Variants in RADIL observed in about 807,000 individuals in gnomAD.
RADIL encodes Rap associating with DIL domain.
RADIL carries 99 observed loss-of-function variants against 97.6 expected under a neutral mutation model. That is an observed-to-expected ratio of 1.01 (90% CI 0.86 to 1.20). The LOEUF (loss-of-function observed/expected upper bound fraction) is 1.20, where lower values mean the gene tolerates loss of function less well. Among genes scored for constraint, RADIL ranks in the 50% most tolerant of loss-of-function variants. The pLI, the probability that RADIL is intolerant of heterozygous loss-of-function variation, is 0.00. For missense variants in RADIL, 1,765 were observed against 1,498.9 expected (o/e 1.18, Z -2.93); for synonymous variants, 803 against 691.8 (o/e 1.16, Z -2.52).
In RADIL at chr7:4,822,038, G is replaced by A. The variant is rs528093259; in HGVS notation, c.1615+356C>T. ...CTACCGCCCCTTACATTTGGTTCAC[G>A]GTGGCATCTGTGTCTCCCCTACTGA... is the stretch of plus-strand genomic sequence containing the variant. On this transcript the variant is annotated intron_variant, in intron 6 of 14. Coordinates refer to ENST00000399583, the MANE Select transcript of RADIL (RefSeq NM_018059.5). This position sits in a 1 kb window ranked among gnomAD's most constrained non-coding sequence, Gnocchi z 5.3. Among the ~76,000 whole-genome samples the A allele has an allele frequency of 2.6e-4, 39 of 152,118 alleles. No homozygotes were observed. The highest frequency in any genetic ancestry group is 8.7e-4 in the African/African-American group (36 of 41,500).
At chr7:4,804,740 T>C (rs1782236867) in intron 10 of RADIL, among the ~76,000 whole-genome samples, 1 of 151,312 alleles carries the variant, frequency 6.6e-6, no homozygotes, top group Non-Finnish European at 1.5e-5. Flanking sequence ...TGAGCCAAGA[T>C]CGAGCCACTG....
rs1014223563 is a variant in RADIL at position 4,805,638 on chromosome 7, G to A, written c.2218C>T (p.Leu740=). ...CTCATGGGGCCCATGGCCGAGGCCAGCTGGTAGTGAGTCAGCAGCCGGTGC... is the reference window on the plus strand; with the variant it reads ...CTCATGGGGCCCATGGCCGAGGCCAACTGGTAGTGAGTCAGCAGCCGGTGC... ...QLHRLLTHYQ[L]ASAMGPMSTW... Residue 740 remains leucine, a synonymous_variant, in exon 10 of 15, where the codon CTG becomes TTG. Coordinates refer to ENST00000399583, the MANE Select transcript of RADIL (RefSeq NM_018059.5). 12 of 1,611,690 alleles carry A rather than the reference G, an allele frequency of 7.4e-6. No individual in the cohort carries two copies. The highest frequency in any genetic ancestry group is 1.7e-6 in the Non-Finnish European group (2 of 1,179,896).
chr7:4,863,571 T>C (rs1011974004), intron 2 of RADIL, among the ~76,000 whole-genome samples: 3 of 152,246 alleles, frequency 2.0e-5, no homozygotes, highest in Admixed American at 2.0e-4. Flanking sequence ...ATCCAGGGAT[T>C]ATCCACAACA....
In RADIL at chr7:4,871,133, C is replaced by T. The variant is rs147525353; in HGVS notation, c.535+6472G>A. On this transcript the variant is annotated intron_variant, in intron 2 of 14. Transcript: ENST00000399583. ...GGTTGTTTTGCTTTTAGCCAGACCA[C>T]ATACAATGAAGGTTTCCCACGGTGA... is the stretch of plus-strand genomic sequence containing the variant. Among the ~76,000 whole-genome samples, 109 of 152,334 alleles carry T rather than the reference C, an allele frequency of 7.2e-4. 1 individual carries two copies. The highest frequency in any genetic ancestry group is 3.4e-3 in the Middle Eastern group (1 of 294).
intron 2 of RADIL, chr7:4,860,715 G>A: frequency 1.1e-5 from 17 of 1,614,074 alleles, no homozygotes; most frequent in Non-Finnish European, 1.4e-5. Context: ...AAGAAGCTTG[G>A]AGCTTCAAAG....
rs911199196 is a variant in RADIL, at chr7:4,819,992, G to A, written c.1615+2402C>T. ...GACCACATGGGACCCAGCTGCCTGC[G>A]GCCACCAAACCCAGGCAGCCACGAA... On this transcript the variant is annotated intron_variant, in intron 6 of 14. Coordinates refer to ENST00000399583, the MANE Select transcript of RADIL (RefSeq NM_018059.5). This position sits in a 1 kb window ranked among gnomAD's most constrained non-coding sequence, Gnocchi z 5.8. 3.9e-5 allele frequency among the ~76,000 whole-genome samples: 6 copies of A among 152,210 alleles called. No individual in the cohort carries two copies. The highest frequency in any genetic ancestry group is 1.4e-4 in the African/African-American group (6 of 41,458).
Position 4,803,557 on chromosome 7 carries a change from C to T in RADIL, c.2488G>A (p.Val830Met). ...CCCTCCCCGGGTACCTCGGGGCACA[C>T]TGGCTGGGAGGCCCCACTGCCAGGC... ...GRPGSGASQP[V>M]CPEGMHHVVL... Residue 830 changes from valine to methionine, a missense_variant, in exon 11 of 15, where the codon GTG (valine) becomes ATG (methionine). Transcript: ENST00000399583. 6.5e-7 allele frequency: 1 copy of T among 1,542,062 alleles called. No individual in the cohort carries two copies. Among genetic ancestry groups the T allele is most frequent in the Non-Finnish European group, 8.8e-7 (1 of 1,142,138 alleles).
chr7:4,878,290 T>TGC lies in RADIL; in HGVS notation c.-64-88_-64-87insGC. ...CACAGGCGGTGACTCCTGCCCGTCATCCCAGCGCTTTAGAAGGCCAAGGTG... is the reference window on the plus strand; with the variant it reads ...CACAGGCGGTGACTCCTGCCCGTCATGCCCCAGCGCTTTAGAAGGCCAAGGTG... On this transcript the variant is annotated intron_variant, in intron 1 of 14. Coordinates refer to ENST00000399583, the MANE Select transcript of RADIL (RefSeq NM_018059.5). This position sits in a 1 kb window ranked among gnomAD's most constrained non-coding sequence, Gnocchi z 4.1. The TGC allele has an allele frequency of 3.5e-6, 3 of 859,898 alleles. No individual in the cohort carries two copies. The highest frequency in any genetic ancestry group is 5.2e-6 in the Non-Finnish European group (3 of 577,494). The allele number at this position is 859,898 out of a possible 1,614,324, so 53.3% of individuals were successfully genotyped here. A position where few individuals can be genotyped will look rare whatever the true frequency, so the allele number is the denominator to read the frequency against.
Position 4,800,222 on chromosome 7 carries a change from C to T in RADIL, c.2931G>A (p.Val977=). The T allele has an allele frequency of 6.2e-7, 1 of 1,605,948 alleles. No individual in the cohort carries two copies. The highest frequency in any genetic ancestry group is 2.2e-5 in the East Asian group (1 of 44,618). The part of the protein sequence containing the change: ...STEDFCYVFT[V]ELERGPSGLG... ...GCCCGGAGGGGCCTCGTTCCAGCTC[C>T]ACCGTGAAGACGTAGCAGAAGTCCT... The change falls in exon 13 of 15, where the codon GTG becomes GTA. Residue 977 remains valine, a synonymous_variant. Coordinates refer to ENST00000399583, the MANE Select transcript of RADIL (RefSeq NM_018059.5).
In RADIL at chr7:4,800,197, G is replaced by C. The variant is rs369962896; in HGVS notation, c.2956C>G (p.Leu986Val). 6.2e-7 allele frequency: 1 copy of C among 1,608,854 alleles called. No individual in the cohort carries two copies. Among genetic ancestry groups the C allele is most frequent in the Admixed American group, 1.7e-5 (1 of 59,548 alleles). The stretch of plus-strand genomic sequence containing the variant: ...ATCCCGTCGATCAGGCCCATCCCCA[G>C]CCCGGAGGGGCCTCGTTCCAGCTCC... ...TVELERGPSG[L>V]GMGLIDGMHT... is the part of the protein sequence containing the mutation. The change falls in exon 13 of 15, where the codon CTG becomes GTG. Residue 986 changes from leucine to valine, a missense_variant. Physicochemically the swap from Leu to Val is conservative, Grantham distance 32 (BLOSUM62 1). Coordinates refer to ENST00000399583, the MANE Select transcript of RADIL (RefSeq NM_018059.5).
rs1783285133 is a variant in RADIL at position 4,835,892 on chromosome 7, G to A, written c.783+466C>T. On this transcript the variant is annotated intron_variant, in intron 3 of 14. Transcript: ENST00000399583. This position sits in a 1 kb window ranked among gnomAD's most constrained non-coding sequence, Gnocchi z 5.8. ...ACAGCCTGCCTGCTCTGATGGAAGTGGTGAGAAACGGCTCTGGGCAGATAG... is the reference window on the plus strand; with the variant it reads ...ACAGCCTGCCTGCTCTGATGGAAGTAGTGAGAAACGGCTCTGGGCAGATAG... Among the ~76,000 whole-genome samples, 1 of 152,246 alleles carries A rather than the reference G, an allele frequency of 6.6e-6. No homozygotes were observed. The highest frequency in any genetic ancestry group is 1.5e-5 in the Non-Finnish European group (1 of 68,050).
chr7:4,862,913 A>C lies in RADIL; in HGVS notation c.535+14692T>G, dbSNP rs952180387. Among the ~76,000 whole-genome samples the C allele has an allele frequency of 5.3e-5, 8 of 151,824 alleles. 1 individual carries two copies. The highest frequency in any genetic ancestry group is 3.9e-4 in the Admixed American group (6 of 15,252). The stretch of plus-strand genomic sequence containing the variant: ...ACTCTGTCTCAAAAAAAAAAATAAA[A>C]TTAAAAATAAAAATAAAAAATAAAA... On this transcript the variant is annotated intron_variant, in intron 2 of 14. Transcript: ENST00000399583.
chr7:4,877,863 C>G lies in RADIL; in HGVS notation c.277G>C (p.Val93Leu). 6.2e-7 allele frequency: 1 copy of G among 1,605,990 alleles called. No individual in the cohort carries two copies. Among genetic ancestry groups the G allele is most frequent in the Non-Finnish European group, 8.5e-7 (1 of 1,179,966 alleles). The change falls in exon 2 of 15, where the codon GTG becomes CTG. Residue 93 changes from valine (V) to leucine (L), a missense_variant. Transcript: ENST00000399583. ...GCGTACCGCTCCAGCGCCTCCTTCA[C>G]CAGCTCACGGGCGCTGGAGGTGCCG... ...ATGTSSAREL[V>L]KEALERYALD...
At chr7:4,831,599 G>T (rs1289754650) in intron 5 of RADIL, among the ~76,000 whole-genome samples, 2 of 93,536 alleles carry the variant, frequency 2.1e-5, no homozygotes, top group South Asian at 3.3e-4. Context: ...AAAAAAAAAA[G>T]CCAGGCACAG....
rs1035474643 is a variant in RADIL at position 4,859,925 on chromosome 7, G to C, written c.535+17680C>G. On this transcript the variant is annotated intron_variant, in intron 2 of 14. Coordinates refer to ENST00000399583, the MANE Select transcript of RADIL (RefSeq NM_018059.5). ...TAGGATTAGATATGTTTGTTGCTGA[G>C]TTTCCTGAAGGTCTGGATGGCTTAT... The C allele has an allele frequency of 1.1e-5, 18 of 1,612,640 alleles. No homozygotes were observed. Among genetic ancestry groups the C allele is most frequent in the African/African-American group, 2.7e-5 (2 of 74,852 alleles).
chr7:4,841,299 T>G (rs1356584165), intron 2 of RADIL, among the ~76,000 whole-genome samples: 1 of 152,196 alleles, frequency 6.6e-6, no homozygotes, highest in East Asian at 1.9e-4. Context: ...TCAGAGGTGC[T>G]GCGTAGGTTT....
rs1781970612 is a variant in RADIL at position 4,798,106 on chromosome 7, A to G, written c.*1272T>C. 6.8e-6 allele frequency: 1 copy of G among 148,138 alleles called. No individual in the cohort carries two copies. The highest frequency in any genetic ancestry group is 1.5e-5 in the Non-Finnish European group (1 of 67,266). The allele number at this position is 148,138 out of a possible 1,614,324, so 9.2% of individuals were successfully genotyped here. A position where few individuals can be genotyped will look rare whatever the true frequency, so the allele number is the denominator to read the frequency against. ...ATTATATATTTATATATATTCATAT[A>G]TTTTACATATCTTAAATATATATAC... On this transcript the variant is annotated 3_prime_UTR_variant, in exon 15 of 15. Transcript: ENST00000399583.
chr7:4,806,076 C>G (rs950536286), intron 9 of RADIL: 2 of 984,266 alleles, frequency 2.0e-6, no homozygotes, highest in African/African-American at 1.7e-5. Flanking sequence ...AGAAATCAAT[C>G]AAGTCGGCTA....
rs1032806861 is a variant in RADIL, at chr7:4,832,238, T to C, written c.1417-60A>G. The stretch of plus-strand genomic sequence containing the variant: ...CAAAACAGGCTAACACAGGGACGCG[T>C]TCAAATACACGATACCATCGACAGG... On this transcript the variant is annotated intron_variant, in intron 4 of 14. Transcript: ENST00000399583. The C allele has an allele frequency of 2.0e-5, 30 of 1,505,424 alleles. No homozygotes were observed. In the African/African-American group the frequency reaches 3.5e-4, roughly 18 times the overall value. 93.3% of individuals were successfully genotyped at this position (1,505,424 alleles called of 1,614,324 possible).
Sources: gnomAD v4.1 joint callset for allele counts (sites outside exome capture counted in the v4.1 genomes callset) on GRCh38, gnomAD v4.1.1 for gene constraint, Gnocchi (gnomAD v3.1) non-coding constraint, MANE v1.5 for transcripts, NCBI Gene and HGNC (gene_info 2026-07-23, HGNC 2026-07-21) for gene names.